Variants in SLC14A2 observed in about 807,000 individuals in gnomAD.
SLC14A2 encodes urea transporter 2.
A neutral mutation model predicts 104.6 loss-of-function variants in SLC14A2; 91 were observed. The ratio of observed to expected loss-of-function variants is 0.87; its 90% CI spans 0.73 to 1.04. The LOEUF (loss-of-function observed/expected upper bound fraction) is 1.04, where lower values mean the gene tolerates loss of function less well. Ranked by LOEUF, SLC14A2 falls within the 50% of genes least tolerant of loss-of-function variation. The pLI is 0.00. For synonymous variants in SLC14A2, 476 were observed against 466.4 expected (o/e 1.02, Z -0.27); for missense variants, 1,189 against 1,156.0 (o/e 1.03, Z -0.41).
At chr18:45,175,202 A>G in the SLC14A2 span, among the ~76,000 whole-genome samples, 2 of 152,168 alleles carry the variant, frequency 1.3e-5, no homozygotes, top group Admixed American at 6.5e-5. Context: ...TTGTAATAGC[A>G]AAGGACTGGA....
intron 1 of SLC14A2, among the ~76,000 whole-genome samples, chr18:45,454,047 A>G (rs994905728): frequency 6.6e-6 from 1 of 151,672 alleles, no homozygotes; most frequent in African/African-American, 2.4e-5. Flanking sequence ...TTTAGTAGAG[A>G]CAGGGTTTCA....
intron 1 of SLC14A2, among the ~76,000 whole-genome samples, chr18:45,267,582 C>T (rs1599628596): frequency 6.6e-6 from 1 of 152,322 alleles, no homozygotes; most frequent in East Asian, 1.9e-4. Context: ...CTACTATGTG[C>T]CAGTGCCAGG....
At chr18:45,511,461 C>G (rs1377924740) in intron 2 of SLC14A2, among the ~76,000 whole-genome samples, 1 of 152,204 alleles carries the variant, frequency 6.6e-6, no homozygotes, top group Non-Finnish European at 1.5e-5. Context: ...CCCTTAAGGT[C>G]TCCTTGCAAT....
the SLC14A2 span, among the ~76,000 whole-genome samples, chr18:45,176,413 CTGGT>C: frequency 9.9e-5 from 15 of 152,272 alleles, no homozygotes; most frequent in Admixed American, 3.9e-4. Context: ...GCCCCTTTCT[CTGGT>C]TGAGAAACAG....
chr18:45,246,339 T>C (rs1275238025), intron 1 of SLC14A2, among the ~76,000 whole-genome samples: 1 of 152,182 alleles, frequency 6.6e-6, no homozygotes, highest in East Asian at 1.9e-4. Flanking sequence ...AGCCACCCAA[T>C]CTGTGGTATT....
Position 45,514,928 on chromosome 18 carries a change from C to G in SLC14A2, c.-35+31606C>G, listed in dbSNP as rs543340106. 2.0e-5 allele frequency among the ~76,000 whole-genome samples: 3 copies of G among 152,282 alleles called. No individual in the cohort carries two copies. In the South Asian group the frequency reaches 6.2e-4, roughly 32 times the overall value. ...ACCTATCATGGCTATATTCTTTCCC[C>G]TGTTCCACATTTTGTCAAATAGAAA... On this transcript the variant is annotated intron_variant, in intron 2 of 20. Coordinates refer to the SLC14A2 transcript ENST00000586448.
chr18:45,589,462 T>C (rs2044616613), intron 2 of SLC14A2, among the ~76,000 whole-genome samples: 1 of 152,218 alleles, frequency 6.6e-6, no homozygotes, highest in Non-Finnish European at 1.5e-5. Flanking sequence ...GGAAATCCTT[T>C]ATAATGCACG....
chr18:45,203,744 T>C, the SLC14A2 span, among the ~76,000 whole-genome samples: 1 of 152,152 alleles, frequency 6.6e-6, no homozygotes, highest in African/African-American at 2.4e-5. Flanking sequence ...CAACACCAAT[T>C]TAGATTATAG....
chr18:45,320,641 T>C (rs1044077035), intron 1 of SLC14A2, among the ~76,000 whole-genome samples: 9 of 152,220 alleles, frequency 5.9e-5, no homozygotes, highest in African/African-American at 1.9e-4. Context: ...AAGTCTGAGA[T>C]GGTCTGGACT....
chr18:45,234,990 C>CT (rs2084210965), intron 1 of SLC14A2, among the ~76,000 whole-genome samples: 1 of 151,900 alleles, frequency 6.6e-6, no homozygotes, highest in African/African-American at 2.4e-5. Flanking sequence ...AGGTGTTTTT[C>CT]TTTTTTAAAA....
chr18:45,361,088 C>T (rs972164840), intron 1 of SLC14A2, among the ~76,000 whole-genome samples: 1 of 152,180 alleles, frequency 6.6e-6, no homozygotes, highest in Non-Finnish European at 1.5e-5. Context: ...TCTTGTCGTT[C>T]CTGTCAGACC....
Position 45,221,505 on chromosome 18 carries a change from G to A in SLC14A2, c.-125+8314G>A, listed in dbSNP as rs576921784. 3.3e-4 allele frequency among the ~76,000 whole-genome samples: 50 copies of A among 152,128 alleles called. 1 individual carries two copies. Among genetic ancestry groups the A allele is most frequent in the Admixed American group, 2.9e-3 (44 of 15,272 alleles). On this transcript the variant is annotated intron_variant, in intron 1 of 20. Coordinates refer to the SLC14A2 transcript ENST00000586448. ...CACTACCAGATCAGTCACTGCAGCC[G>A]GGGAGGCAGGGTGTAATCAAAATAG...
At chr18:45,471,106 A>C (rs1177657523) in intron 1 of SLC14A2, among the ~76,000 whole-genome samples, 8 of 152,184 alleles carry the variant, frequency 5.3e-5, no homozygotes, top group Admixed American at 5.2e-4. Context: ...CTTCAAGATG[A>C]GATCAGATAA....
intron 1 of SLC14A2, among the ~76,000 whole-genome samples, chr18:45,333,325 C>T (rs533193365): frequency 4.7e-4 from 71 of 152,092 alleles, no homozygotes; most frequent in Non-Finnish European, 9.1e-4. Flanking sequence ...GCAATAAAGC[C>T]AGTGACTGAC....
chr18:45,568,541 A>G (rs1337438677), intron 2 of SLC14A2, among the ~76,000 whole-genome samples: 1 of 152,222 alleles, frequency 6.6e-6, no homozygotes, highest in Admixed American at 6.5e-5. Context: ...GTTGTAAGCA[A>G]AAATGTCATG....
At chr18:45,593,639 G>A (rs1167324445) in intron 2 of SLC14A2, among the ~76,000 whole-genome samples, 2 of 151,448 alleles carry the variant, frequency 1.3e-5, no homozygotes, top group Admixed American at 6.6e-5. Flanking sequence ...ACAGGTGCCT[G>A]CCACCACGCC....
At chr18:45,519,702 C>G (rs1013473038) in intron 2 of SLC14A2, among the ~76,000 whole-genome samples, 1 of 152,180 alleles carries the variant, frequency 6.6e-6, no homozygotes, top group Non-Finnish European at 1.5e-5. Context: ...GGGGCTAAGC[C>G]AAAGATCTCC....
intron 2 of SLC14A2, among the ~76,000 whole-genome samples, chr18:45,582,172 C>T (rs748136490): frequency 6.6e-6 from 1 of 152,150 alleles, no homozygotes; most frequent in Non-Finnish European, 1.5e-5. Flanking sequence ...GAATCAGACA[C>T]CAGGAGATGA....
chr18:45,255,137 A>C (rs1240303261), intron 1 of SLC14A2, among the ~76,000 whole-genome samples: 1 of 151,794 alleles, frequency 6.6e-6, no homozygotes, highest in Admixed American at 6.6e-5. Context: ...TTCCCCCCGA[A>C]CACACTGTGC....
Sources: allele counts gnomAD v4.1 joint callset (sites outside exome capture counted in the v4.1 genomes callset), GRCh38; gene constraint gnomAD v4.1.1; transcripts MANE v1.5; gene names NCBI Gene and HGNC (gene_info 2026-07-23, HGNC 2026-07-21).